Variants in CRISPLD2 observed in about 807,000 individuals in gnomAD.
The protein encoded by CRISPLD2 is cysteine-rich secretory protein LCCL domain-containing 2.
CRISPLD2 carries 47 observed loss-of-function variants against 71.1 expected under a neutral mutation model. The observed-to-expected ratio is 0.66, with a 90% confidence interval of 0.52 to 0.84. The LOEUF is 0.84. CRISPLD2 is among the 40% of genes least tolerant of loss of function. The probability of loss-of-function intolerance (pLI) is 0.00; values close to 1 mark genes in which losing one functional copy is unlikely to be tolerated. For synonymous variants in CRISPLD2, 317 were observed against 250.1 expected (o/e 1.27, Z -2.52); for missense variants, 830 against 651.1 (o/e 1.27, Z -2.99).
chr16:84,847,890 G>A (rs752527094), intron 3 of CRISPLD2, among the ~76,000 whole-genome samples: 4 of 152,084 alleles, frequency 2.6e-5, no homozygotes, highest in Admixed American at 6.5e-5. Context: ...CATGAATGTC[G>A]CCCTGCAAAT....
chr16:84,854,398 G>T (rs1231720159), intron 5 of CRISPLD2, among the ~76,000 whole-genome samples: 1 of 152,180 alleles, frequency 6.6e-6, no homozygotes, highest in African/African-American at 2.4e-5. Flanking sequence ...CAGCGCTAAG[G>T]TGTTGTGATC....
At chr16:84,869,214 C>T (rs2071444449) in intron 8 of CRISPLD2, among the ~76,000 whole-genome samples, 1 of 152,148 alleles carries the variant, frequency 6.6e-6, no homozygotes, top group Non-Finnish European at 1.5e-5. Context: ...CTAGTTGTTG[C>T]AGTCATTCAG....
At chr16:84,875,543 TTTTTA>T (rs906324074) in intron 11 of CRISPLD2, among the ~76,000 whole-genome samples, 10 of 151,332 alleles carry the variant, frequency 6.6e-5, no homozygotes, top group African/African-American at 2.4e-4. Context: ...ACCCTTGCTT[TTTTTA>T]TTTTATTTTT....
At chr16:84,880,951 C>T (rs1307817523) in intron 13 of CRISPLD2, among the ~76,000 whole-genome samples, 3 of 152,106 alleles carry the variant, frequency 2.0e-5, no homozygotes, top group Non-Finnish European at 4.4e-5. Flanking sequence ...ATGATCCGCC[C>T]ACCTCTGCCT....
intron 1 of CRISPLD2, among the ~76,000 whole-genome samples, chr16:84,834,862 C>G (rs1053909186): frequency 1.3e-5 from 2 of 152,062 alleles, no homozygotes; most frequent in Non-Finnish European, 1.5e-5. Context: ...GGACACCAGT[C>G]AGCTTGGTTA....
chr16:84,873,883 C>G, intron 10 of CRISPLD2, 37 bp from the exon 11 acceptor site: 1 of 1,537,410 alleles, frequency 6.5e-7, no homozygotes, highest in South Asian at 1.2e-5. Context: ...TTTGCATTTA[C>G]CTAATGCCCG....
At chr16:84,871,255 C>T (rs2071466461) in intron 8 of CRISPLD2, among the ~76,000 whole-genome samples, 1 of 152,068 alleles carries the variant, frequency 6.6e-6, no homozygotes, top group African/African-American at 2.4e-5. Context: ...GAGTTTTACC[C>T]TATTAAAAAA....
Position 84,820,041 on chromosome 16 carries a change from C to CGCTGTGCCT in CRISPLD2, c.-158_-150dup, listed in dbSNP as rs1916195728. On this transcript the variant is annotated 5_prime_UTR_variant, in exon 1 of 15. Transcript: ENST00000262424. Reference sequence around the variant, plus strand: ...TATTGAGCTGTCTGCTCGCTGTGCCCGCTGTGCCTGCTGTGCCCGCGCTGT... The same window carrying CGCTGTGCCT: ...TATTGAGCTGTCTGCTCGCTGTGCCCGCTGTGCCTGCTGTGCCTGCTGTGCCCGCGCTGT... 1 of 152,572 alleles carries CGCTGTGCCT rather than the reference C, an allele frequency of 6.6e-6. No individual in the cohort carries two copies. The highest frequency in any genetic ancestry group is 2.4e-5 in the African/African-American group (1 of 41,584). 9.5% of individuals were successfully genotyped at this position (152,572 alleles called of 1,614,324 possible).
At chr16:84,833,615 A>T (rs1204945972) in intron 1 of CRISPLD2, among the ~76,000 whole-genome samples, 2 of 152,168 alleles carry the variant, frequency 1.3e-5, no homozygotes, top group Non-Finnish European at 2.9e-5. Flanking sequence ...GAGCTCTTCC[A>T]GGACGCTAGG....
At chr16:84,836,020 G>GA (rs1481133906) in intron 1 of CRISPLD2, among the ~76,000 whole-genome samples, 5 of 152,196 alleles carry the variant, frequency 3.3e-5, no homozygotes, top group African/African-American at 1.2e-4. Context: ...GAAGCCACGT[G>GA]TGGAAAATTC....
intron 14 of CRISPLD2, among the ~76,000 whole-genome samples, chr16:84,892,092 T>G (rs532137497): frequency 6.6e-6 from 1 of 152,292 alleles, no homozygotes; most frequent in South Asian, 2.1e-4. Flanking sequence ...TGTGCCTCAG[T>G]TTCCTCACCT....
intron 14 of CRISPLD2, among the ~76,000 whole-genome samples, chr16:84,896,071 C>G (rs139441999): frequency 3.7e-3 from 561 of 151,264 alleles, no homozygotes; most frequent in Non-Finnish European, 6.4e-3. Flanking sequence ...TGGAGTCTCC[C>G]TCTGTTGCCC....
chr16:84,848,799 G>A (rs935686712), intron 3 of CRISPLD2, among the ~76,000 whole-genome samples: 4 of 151,976 alleles, frequency 2.6e-5, no homozygotes, highest in African/African-American at 7.3e-5. Flanking sequence ...TGTGAAATAC[G>A]GGCTTCATGG....
rs144602247 is a variant in CRISPLD2, at chr16:84,854,456, C to T, written c.609-273C>T. Among the ~76,000 whole-genome samples the T allele has an allele frequency of 4.7e-3, 715 of 152,148 alleles. 9 individuals are homozygous for T. The highest frequency in any genetic ancestry group is 0.017 in the African/African-American group (689 of 41,518). On this transcript the variant is annotated intron_variant, in intron 5 of 14. Transcript: ENST00000262424. ...AGCTGTGTTGGTGGAAGGGGGGCCACGGGGCTGACAGCCAGCCAGGGCAAA... is the reference window on the plus strand; with the variant it reads ...AGCTGTGTTGGTGGAAGGGGGGCCATGGGGCTGACAGCCAGCCAGGGCAAA...
intron 1 of CRISPLD2, among the ~76,000 whole-genome samples, chr16:84,824,013 G>T (rs1247413865): frequency 6.6e-6 from 1 of 152,122 alleles, no homozygotes; most frequent in Non-Finnish European, 1.5e-5. Context: ...CCCCTCTAAG[G>T]ACTGGGAGCT....
intron 8 of CRISPLD2, among the ~76,000 whole-genome samples, chr16:84,869,402 G>A (rs2071446292): frequency 6.6e-6 from 1 of 152,200 alleles, no homozygotes; most frequent in African/African-American, 2.4e-5. Context: ...ACGAATTCTG[G>A]CATCAGTTTG....
chr16:84,834,543 C>T (rs1916569137), intron 1 of CRISPLD2, among the ~76,000 whole-genome samples: 1 of 152,226 alleles, frequency 6.6e-6, no homozygotes, highest in Non-Finnish European at 1.5e-5. Flanking sequence ...GCCTGGCCTC[C>T]TAACGTGCCT....
At position 84,879,589 on chromosome 16, in the gene CRISPLD2, C is replaced by T. The variant is rs144843128; in HGVS notation, c.1230-920C>T. On this transcript the variant is annotated intron_variant, in intron 12 of 14. Coordinates refer to ENST00000262424, the MANE Select transcript of CRISPLD2 (RefSeq NM_031476.4). ...GTTGGCCAGGCTGGTCTCGAACTCC[C>T]GACCTCAGGTGATCCACCCACCTCG... Among the ~76,000 whole-genome samples the T allele has an allele frequency of 2.1e-3, 313 of 151,998 alleles. 1 individual carries two copies. Among genetic ancestry groups the T allele is most frequent in the African/African-American group, 7.1e-3 (295 of 41,482 alleles).
chr16:84,906,913 T>G lies in CRISPLD2; in HGVS notation c.*271T>G. The stretch of plus-strand genomic sequence containing the variant: ...GGACGTCCTCTCTCCTTTAGAGATC[T>G]GAGCTGTCTCTTAAAGGGGACAGTT... On this transcript the variant is annotated 3_prime_UTR_variant, in exon 15 of 15. Coordinates refer to ENST00000262424, the MANE Select transcript of CRISPLD2 (RefSeq NM_031476.4). 5.6e-6 allele frequency: 3 copies of G among 533,948 alleles called. No individual in the cohort carries two copies. The South Asian group carries it at 6.2e-5, about 11-fold the overall frequency. 33.1% of individuals were successfully genotyped at this position (533,948 alleles called of 1,614,324 possible).
Sources: allele counts gnomAD v4.1 joint callset (sites outside exome capture counted in the v4.1 genomes callset), GRCh38; gene constraint gnomAD v4.1.1; transcripts MANE v1.5; gene names NCBI Gene and HGNC (gene_info 2026-07-23, HGNC 2026-07-21).